Variants in PDXDC1 observed in about 807,000 individuals in gnomAD.
The protein encoded by PDXDC1 is pyridoxal-dependent decarboxylase domain-containing protein 1.
In PDXDC1, 42 loss-of-function variants were observed where a neutral mutation model predicts 100.1. The ratio of observed to expected loss-of-function variants is 0.42; its 90% confidence interval spans 0.33 to 0.54. The LOEUF is 0.54. Ranked by LOEUF, PDXDC1 falls within the 20% of genes least tolerant of loss-of-function variation. The pLI is 0.10. For synonymous variants in PDXDC1, 260 were observed against 371.7 expected (o/e 0.70, Z 3.46); for missense variants, 636 against 979.2 (o/e 0.65, Z 4.68).
downstream of PDXDC1, among the ~76,000 whole-genome samples, chr16:15,143,355 T>TC (rs1431358836): frequency 6.6e-6 from 1 of 152,084 alleles, no homozygotes; most frequent in Non-Finnish European, 1.5e-5. Flanking sequence ...AGGCTGCCCC[T>TC]CCACACCCCT....
intron 16 of PDXDC1, among the ~76,000 whole-genome samples, chr16:15,099,268 C>G (rs904695146): frequency 6.6e-6 from 1 of 151,278 alleles, no homozygotes; most frequent in African/African-American, 2.4e-5. Context: ...ACTAAAAATA[C>G]GAATTAGCAG....
chr16:15,147,342 T>G, the PDXDC1 span, among the ~76,000 whole-genome samples: 1 of 152,216 alleles, frequency 6.6e-6, no homozygotes, highest in Non-Finnish European at 1.5e-5. Context: ...TGCAGGGGTC[T>G]GCCCCAGAGC....
chr16:15,061,696 A>G, intron 16 of PDXDC1: 1 of 1,569,390 alleles, frequency 6.4e-7, no homozygotes, highest in South Asian at 1.1e-5. Flanking sequence ...GGGCATGACA[A>G]GTGATGGGGA....
chr16:15,091,253 G>A, intron 16 of PDXDC1: 1 of 1,593,464 alleles, frequency 6.3e-7, no homozygotes, highest in Non-Finnish European at 8.6e-7. Flanking sequence ...GACCCAAAGA[G>A]CAAACTATGT....
chr16:15,125,819 C>G (rs754623258), intron 16 of PDXDC1: 26 of 1,058,676 alleles, frequency 2.5e-5, no homozygotes, highest in South Asian at 5.1e-5. Flanking sequence ...TGCAGGACGA[C>G]AGCAGTGGTC....
chr16:15,144,114 C>G (rs989846860), downstream of PDXDC1, among the ~76,000 whole-genome samples: 3 of 152,162 alleles, frequency 2.0e-5, no homozygotes, highest in African/African-American at 7.2e-5. Flanking sequence ...GCCGGTTCCC[C>G]TCCGCCCAGC....
chr16:15,125,433 A>G, intron 16 of PDXDC1: 2 of 844,028 alleles, frequency 2.4e-6, no homozygotes, highest in African/African-American at 3.3e-5. Context: ...ACCTGCTCCC[A>G]CGTGGTGTGA....
At chr16:15,015,879 G>C (rs1432664782) in intron 8 of PDXDC1, 1 of 907,944 alleles carries the variant, frequency 1.1e-6, no homozygotes, top group East Asian at 3.2e-5. Context: ...CAAGTAGATA[G>C]AAAATAAGTA....
intron 8 of PDXDC1, chr16:15,015,870 A>C: frequency 1.3e-6 from 1 of 793,228 alleles, no homozygotes; most frequent in East Asian, 3.4e-5. Context: ...TCAGCAGATC[A>C]AGTAGATAGA....
intron 7 of PDXDC1, among the ~76,000 whole-genome samples, 178 bp downstream of exon 7, chr16:15,009,025 G>A (rs2041035220): frequency 6.6e-6 from 1 of 152,398 alleles, no homozygotes; most frequent in East Asian, 1.9e-4. Flanking sequence ...AGGTTGGTTG[G>A]TATATAGGTC....
At chr16:15,080,027 G>A in intron 16 of PDXDC1, 1 of 1,599,124 alleles carries the variant, frequency 6.3e-7, no homozygotes, top group South Asian at 1.1e-5. Context: ...TCAATAATAA[G>A]CTCCAGAATT....
At chr16:15,097,282 A>T (rs932684725) in intron 16 of PDXDC1, among the ~76,000 whole-genome samples, 2 of 151,120 alleles carry the variant, frequency 1.3e-5, no homozygotes, top group African/African-American at 4.9e-5. Context: ...AAAAAAAAAA[A>T]GGGAAAAAAA....
downstream of PDXDC1, among the ~76,000 whole-genome samples, chr16:15,140,931 CCCA>C (rs1381546280): frequency 6.6e-6 from 1 of 152,128 alleles, no homozygotes. Flanking sequence ...TGTCACCCTC[CCCA>C]CGAGTGACCC....
Position 15,022,656 on chromosome 16 carries a change from A to G in PDXDC1, c.1090-48A>G, listed in dbSNP as rs528188721. On this transcript the variant is annotated intron_variant, in intron 12 of 22. Coordinates refer to ENST00000396410, the MANE Select transcript of PDXDC1 (RefSeq NM_015027.4). ...AGCCCCTGGTGAAAACCACTTCTTC[A>G]TGTCCCACGTCCATCTAATTACATG... 28 of 1,579,024 alleles carry G rather than the reference A, an allele frequency of 1.8e-5. No homozygotes were observed. In the African/African-American group the frequency reaches 2.2e-4, roughly 12 times the overall value.
rs1188363893 is a variant in PDXDC1 at position 15,036,351 on chromosome 16, G to A, written c.*76G>A. On this transcript the variant is annotated 3_prime_UTR_variant, in exon 23 of 23. Coordinates refer to ENST00000396410, the MANE Select transcript of PDXDC1 (RefSeq NM_015027.4). ...AAGTTCTATTGGAAATGTGAACTGT[G>A]CCACATACTAATATAAATTACTGTT... 2 of 1,302,620 alleles carry A rather than the reference G, an allele frequency of 1.5e-6. No homozygotes were observed. The highest frequency in any genetic ancestry group is 2.1e-6 in the Non-Finnish European group (2 of 931,572). The allele number at this position is 1,302,620 out of a possible 1,614,324, so 80.7% of individuals were successfully genotyped here.
At chr16:15,047,200 A>G in intron 16 of PDXDC1, 1 of 523,298 alleles carries the variant, frequency 1.9e-6, no homozygotes, top group South Asian at 2.8e-5. Flanking sequence ...AGACGACATC[A>G]AGTTCAAAGT....
chr16:15,063,024 T>G (rs1244772734), intron 16 of PDXDC1, among the ~76,000 whole-genome samples: 1 of 152,174 alleles, frequency 6.6e-6, no homozygotes, highest in African/African-American at 2.4e-5. Flanking sequence ...AAAAAATTTT[T>G]GTAGAAACAG....
chr16:15,011,631 C>CTTTTTTTTTTTTTTTT, intron 8 of PDXDC1, among the ~76,000 whole-genome samples: 17 of 131,276 alleles, frequency 1.3e-4, no homozygotes, highest in East Asian at 2.2e-4. Context: ...ACATTTTTTT[C>CTTTTTTTTTTTTTTTT]TTTTTTTTTT....
chr16:15,032,717 T>C (rs563494885), intron 17 of PDXDC1, 144 bp from the exon 18 acceptor site: 9 of 575,262 alleles, frequency 1.6e-5, no homozygotes, highest in Admixed American at 5.6e-5. Context: ...TCCAGAAAGT[T>C]TGTGGTCTGG....
Sources: allele counts gnomAD v4.1 joint callset (sites outside exome capture counted in the v4.1 genomes callset), GRCh38; gene constraint gnomAD v4.1.1; transcripts MANE v1.5; gene names NCBI Gene and HGNC (gene_info 2026-07-23, HGNC 2026-07-21).